The following FYB2 variants were observed in gnomAD, a reference collection of about 807,000 sequenced individuals.
FYB2 encodes FYN binding protein 2, also known as FYN-binding protein 2.
FYB2 carries 103 observed loss-of-function variants against 94.1 expected under a neutral mutation model. The ratio of observed to expected loss-of-function variants is 1.09; its 90% CI spans 0.93 to 1.29. The LOEUF is 1.29. FYB2 is among the 50% of genes most tolerant of loss of function. FYB2 has a pLI of 0.00. For missense variants in FYB2, 896 were observed against 841.5 expected (o/e 1.06, Z -0.80); for synonymous variants, 293 against 287.9 (o/e 1.02, Z -0.18).
intron 15 of FYB2, 88 bp downstream of exon 15, chr1:56,736,999 G>T: frequency 9.7e-7 from 1 of 1,030,826 alleles, no homozygotes; most frequent in South Asian, 1.4e-5. Context: ...CCAAGGATCT[G>T]AAAAGATGGT....
At position 56,791,258 on chromosome 1, in the gene FYB2, A is replaced by G. The variant is rs114036734; in HGVS notation, c.757+798T>C. Reference sequence around the variant, plus strand: ...ATGGTAGTAAAAAACTACAGTCCTTATCTTTTTTTTTTTTTTAGACAGGAT... The same window carrying G: ...ATGGTAGTAAAAAACTACAGTCCTTGTCTTTTTTTTTTTTTTAGACAGGAT... On this transcript the variant is annotated intron_variant, in intron 2 of 19. Coordinates refer to ENST00000343433, the MANE Select transcript of FYB2 (RefSeq NM_001004303.5). 5.0e-3 allele frequency among the ~76,000 whole-genome samples: 648 copies of G among 130,464 alleles called. 2 individuals are homozygous for G. Among genetic ancestry groups the G allele is most frequent in the African/African-American group, 0.016 (612 of 37,342 alleles). 85.6% of individuals were successfully genotyped at this position (130,464 alleles called of 152,430 possible).
rs368370515 is a variant in FYB2, at chr1:56,737,441, CAA to C, written c.1733-296_1733-295del. On this transcript the variant is annotated intron_variant, in intron 14 of 19. Transcript: ENST00000343433. Reference sequence around the variant, plus strand: ...GAGTTCCAGAAAAATATGAGTTGCTCAAAGAGTCATTTTTAGACTAAGTTCCC... The same window carrying C: ...GAGTTCCAGAAAAATATGAGTTGCTCAGAGTCATTTTTAGACTAAGTTCCC... 52 of 237,642 alleles carry C rather than the reference CAA, an allele frequency of 2.2e-4. 2 individuals are homozygous for C. The highest frequency in any genetic ancestry group is 1.1e-3 in the African/African-American group (48 of 43,828). The allele number at this position is 237,642 out of a possible 1,614,324, so 14.7% of individuals were successfully genotyped here.
intron 15 of FYB2, among the ~76,000 whole-genome samples, chr1:56,734,526 A>G (rs1644786512): frequency 6.6e-6 from 1 of 152,142 alleles, no homozygotes; most frequent in South Asian, 2.1e-4. Flanking sequence ...CATGGAATGA[A>G]GCTGGAAACC....
rs1465507297 is a variant in FYB2 at position 56,726,627 on chromosome 1, A to T, written c.1794-44T>A. 2.0e-6 allele frequency: 3 copies of T among 1,503,278 alleles called. 1 individual carries two copies. The highest frequency in any genetic ancestry group is 2.3e-5 in the South Asian group (2 of 85,274). The allele number at this position is 1,503,278 out of a possible 1,614,324, so 93.1% of individuals were successfully genotyped here. On this transcript the variant is annotated intron_variant, in intron 15 of 19. Transcript: ENST00000343433. Reference sequence around the variant, plus strand: ...TGAGCAAGTAAATTAAGACTGAATTATATATTCATGGAACCATCAACACTT... The same window carrying T: ...TGAGCAAGTAAATTAAGACTGAATTTTATATTCATGGAACCATCAACACTT...
chr1:56,792,160 G>C lies in FYB2; in HGVS notation c.653C>G (p.Ser218Cys), dbSNP rs1217966097. 1 of 1,614,030 alleles carries C rather than the reference G, an allele frequency of 6.2e-7. No homozygotes were observed. Residue 218 changes from serine to cysteine, a missense_variant, in exon 2 of 20, where the codon TCT becomes TGT. Physicochemically the swap from Ser to Cys is moderately radical, Grantham distance 112 (BLOSUM62 -1). Coordinates refer to ENST00000343433, the MANE Select transcript of FYB2 (RefSeq NM_001004303.5). ...TTCCCAGCTTTTTCTGATATGTTGA[G>C]AAATTACAAAAGAGGGATCTTCAGA... ...NVSEDPSFVI[S>C]QHIRKSWENP... is the part of the protein sequence containing the mutation.
At position 56,818,846 on chromosome 1, in the gene FYB2, G is replaced by T. The variant is rs571679801; in HGVS notation, c.9+436C>A. 5.3e-5 allele frequency among the ~76,000 whole-genome samples: 8 copies of T among 152,270 alleles called. No individual in the cohort carries two copies. In the East Asian group the frequency reaches 1.2e-3, roughly 22 times the overall value. ...GTCTAGAGCCACAAGCCACAAAAGA[G>T]CAATGCACAGCCGGCTTCCTAGCAC... On this transcript the variant is annotated intron_variant, in intron 1 of 19. Coordinates refer to ENST00000343433, the MANE Select transcript of FYB2 (RefSeq NM_001004303.5).
intron 15 of FYB2, among the ~76,000 whole-genome samples, chr1:56,727,712 G>A (rs536280992): frequency 6.6e-6 from 1 of 152,188 alleles, no homozygotes; most frequent in East Asian, 1.9e-4. Context: ...GATACATGAA[G>A]TATACAAGGG....
At chr1:56,825,871 C>A in the FYB2 span, among the ~76,000 whole-genome samples, 2 of 152,136 alleles carry the variant, frequency 1.3e-5, no homozygotes, top group Non-Finnish European at 2.9e-5. Flanking sequence ...CTAAACAAGA[C>A]CATAATTTAA....
chr1:56,805,626 G>T (rs528400512), intron 1 of FYB2, among the ~76,000 whole-genome samples: 1 of 152,272 alleles, frequency 6.6e-6, no homozygotes, highest in South Asian at 2.1e-4. Context: ...ATATGGTTTG[G>T]CTGTGTCCTC....
chr1:56,818,232 G>GC (rs1646929564), intron 1 of FYB2, among the ~76,000 whole-genome samples: 1 of 151,998 alleles, frequency 6.6e-6, no homozygotes, highest in African/African-American at 2.4e-5. Context: ...ATACCAACAT[G>GC]CCCCTGCTCA....
Position 56,792,225 on chromosome 1 carries a change from G to A in FYB2, c.588C>T (p.Ser196=). 1 of 1,613,704 alleles carries A rather than the reference G, an allele frequency of 6.2e-7. No individual in the cohort carries two copies. Among genetic ancestry groups the A allele is most frequent in the Non-Finnish European group, 8.5e-7 (1 of 1,179,876 alleles). ...TTTTGGGGGCCACCACGTGCTTCTGGGAAGGAAGAGTCTGGGCTCCTTTTG... is the reference window on the plus strand; with the variant it reads ...TTTTGGGGGCCACCACGTGCTTCTGAGAAGGAAGAGTCTGGGCTCCTTTTG... ...LETKGAQTLP[S]QKHVVAPKIL... The change falls in exon 2 of 20, where the codon TCC becomes TCT. Residue 196 remains serine (S), a synonymous_variant. Transcript: ENST00000343433.
intron 1 of FYB2, among the ~76,000 whole-genome samples, chr1:56,800,523 T>C (rs72668371): frequency 0.2 from 29,706 of 152,096 alleles, 3,690 homozygotes; most frequent in Non-Finnish European, 0.27. Flanking sequence ...TGCACCCCCA[T>C]TATCTGTCAG....
At chr1:56,805,419 C>T (rs1646621865) in intron 1 of FYB2, among the ~76,000 whole-genome samples, 1 of 152,134 alleles carries the variant, frequency 6.6e-6, no homozygotes, top group African/African-American at 2.4e-5. Context: ...AATGCATTTC[C>T]AGGCACTGCA....
At chr1:56,796,429 C>G (rs1032277974) in intron 1 of FYB2, among the ~76,000 whole-genome samples, 2 of 152,116 alleles carry the variant, frequency 1.3e-5, no homozygotes, top group Non-Finnish European at 2.9e-5. Flanking sequence ...TCTTAAGCAG[C>G]CCGTGAGCAC....
At chr1:56,769,400 T>G (rs979604263) in intron 4 of FYB2, among the ~76,000 whole-genome samples, 1 of 151,874 alleles carries the variant, frequency 6.6e-6, no homozygotes, top group African/African-American at 2.4e-5. Context: ...GATAAAGAGA[T>G]AGAAAATATT....
chr1:56,783,451 T>G (rs1487411775), intron 4 of FYB2, among the ~76,000 whole-genome samples: 1 of 152,178 alleles, frequency 6.6e-6, no homozygotes, highest in Non-Finnish European at 1.5e-5. Flanking sequence ...TATGTATATA[T>G]AGAAATACAG....
At chr1:56,724,864 T>C (rs912121120) in intron 16 of FYB2, among the ~76,000 whole-genome samples, 1 of 152,026 alleles carries the variant, frequency 6.6e-6, no homozygotes, top group Non-Finnish European at 1.5e-5. Flanking sequence ...TCCCTAATGT[T>C]GGAGGTGGGG....
chr1:56,748,765 C>A (rs201243519), intron 9 of FYB2, among the ~76,000 whole-genome samples: 1 of 151,880 alleles, frequency 6.6e-6, no homozygotes, highest in Admixed American at 6.6e-5. Context: ...CTCAATTTGA[C>A]GTTATTTTGT....
intron 1 of FYB2, among the ~76,000 whole-genome samples, chr1:56,805,616 AT>A (rs1185359922): frequency 1.3e-5 from 2 of 152,098 alleles, no homozygotes; most frequent in African/African-American, 4.8e-5. Flanking sequence ...AAGCCTGTTG[AT>A]ATGGTTTGGC....
Sources: gnomAD v4.1 joint callset for allele counts (sites outside exome capture counted in the v4.1 genomes callset) on GRCh38, gnomAD v4.1.1 for gene constraint, MANE v1.5 for transcripts, NCBI Gene and HGNC (gene_info 2026-07-23, HGNC 2026-07-21) for gene names.